XIST: variants seen among roughly 807,000 people sequenced by gnomAD.
XIST encodes X inactive specific transcript (non-protein coding).
exon 1 of XIST, chrX:73,849,233 C>T: frequency 1.8e-6 from 1 of 558,781 alleles, no homozygotes; most frequent in Non-Finnish European, 3.2e-6. Context: ...TCCAGAAGCA[C>T]AGCAAAAAGC....
At chrX:73,839,117 C>T (rs763940393) in intron 1 of XIST, among the ~76,000 whole-genome samples, 6 of 111,583 alleles carry the variant, frequency 5.4e-5, no homozygotes, top group Non-Finnish European at 1.1e-4. Context: ...AAGACATGAA[C>T]TCCCTTCAAG....
chrX:73,850,571 C>G (rs1288691531), exon 1 of XIST: 2 of 541,081 alleles, frequency 3.7e-6, no homozygotes, highest in Non-Finnish European at 3.3e-6. Flanking sequence ...CACCTGTTGG[C>G]CAACGATCAT....
chrX:73,824,756 T>C (rs371002559), exon 6 of XIST: 8 of 557,312 alleles, frequency 1.4e-5, no homozygotes, highest in Non-Finnish European at 2.3e-5. Flanking sequence ...TTACTTCATT[T>C]CCTCATACTA....
intron 4 of XIST, among the ~76,000 whole-genome samples, chrX:73,830,453 C>A (rs934413008): frequency 8.9e-6 from 1 of 112,152 alleles, no homozygotes; most frequent in Non-Finnish European, 1.9e-5. Context: ...CCTTTATCTG[C>A]CAATTCTCAC....
chrX:73,826,936 C>A, exon 6 of XIST: 2 of 558,834 alleles, frequency 3.6e-6, no homozygotes, highest in East Asian at 6.5e-5. Flanking sequence ...GACTTCCATC[C>A]AACTCAGGCC....
intron 2 of XIST, among the ~76,000 whole-genome samples, chrX:73,835,598 T>C (rs1446341720): frequency 8.9e-6 from 1 of 112,391 alleles, no homozygotes; most frequent in African/African-American, 3.2e-5. Context: ...CAGATTTCAT[T>C]CCAGGTTTGT....
intron 3 of XIST, among the ~76,000 whole-genome samples, chrX:73,832,840 A>G (rs1210314650): frequency 9.0e-6 from 1 of 111,104 alleles, no homozygotes; most frequent in Non-Finnish European, 1.9e-5. Context: ...GTGTACATGC[A>G]AAAGAAAAAG....
intron 2 of XIST, chrX:73,833,467 T>A (rs886833913): frequency 2.2e-6 from 1 of 464,358 alleles, no homozygotes; most frequent in Non-Finnish European, 3.8e-6. Flanking sequence ...ACCTAGGAAG[T>A]ATAAACTGAA....
chrX:73,844,186 G>A (rs1342627043), exon 1 of XIST: 2 of 558,752 alleles, frequency 3.6e-6, no homozygotes, highest in Middle Eastern at 3.1e-4. Context: ...GGGGACTTAG[G>A]GGGTCAGCAA....
In XIST at chrX:73,846,398, G is replaced by T. The variant is rs146057695; in HGVS notation, n.6326C>A. ...GCTGGAAGGGAAAGGTGAGACTGAG[G>T]TATGTGGAGAGGACCCTCCTTTTCT... is the stretch of plus-strand genomic sequence containing the variant. On this transcript the variant is annotated non_coding_transcript_exon_variant, in exon 1 of 6. Transcript: ENST00000429829. 1.7e-3 allele frequency: 934 copies of T among 557,125 alleles called. 1 individual carries two copies. The highest frequency in any genetic ancestry group is 2.8e-3 in the Non-Finnish European group (858 of 309,057). 45.9% of individuals were successfully genotyped at this position (557,125 alleles called of 1,213,427 possible).
intron 2 of XIST, among the ~76,000 whole-genome samples, chrX:73,836,682 C>T (rs752676988): frequency 3.6e-5 from 4 of 111,625 alleles, no homozygotes; most frequent in South Asian, 3.7e-4. Context: ...TAGTAATGAG[C>T]GCACCTAGCA....
At chrX:73,823,652 G>A (rs1922181883) in exon 6 of XIST, 1 of 558,689 alleles carries the variant, frequency 1.8e-6, no homozygotes, top group Non-Finnish European at 3.2e-6. Context: ...CTGGATGGAA[G>A]ACCACAACAC....
chrX:73,845,572 TCA>T (rs772587700), exon 1 of XIST: 2 of 552,459 alleles, frequency 3.6e-6, no homozygotes, highest in African/African-American at 4.7e-5. Flanking sequence ...ATAAATATAA[TCA>T]CACACATAAC....
In XIST at chrX:73,823,527, CTTTG is replaced by C. The variant is rs770601759; in HGVS notation, n.16370_16373del. 8 of 552,551 alleles carry C rather than the reference CTTTG, an allele frequency of 1.4e-5. No individual in the cohort carries two copies. In the South Asian group the frequency reaches 1.8e-4, roughly 12 times the overall value. The allele number at this position is 552,551 out of a possible 1,213,427, so 45.5% of individuals were successfully genotyped here. A position where few individuals can be genotyped will look rare whatever the true frequency, so the allele number is the denominator to read the frequency against. On this transcript the variant is annotated non_coding_transcript_exon_variant, in exon 6 of 6. Transcript: ENST00000429829. ...AATGGTATATTCCACATAAAAGATG[CTTTG>C]TTTATCAAATGAATCAAAAAGCACG...
chrX:73,843,672 C>T (rs1414490265), exon 1 of XIST: 1 of 556,768 alleles, frequency 1.8e-6, no homozygotes, highest in Non-Finnish European at 3.2e-6. Context: ...AAAGGTGGTA[C>T]AGGAACATGC....
At chrX:73,851,325 GCAAAGA>G (rs1163034929) in exon 1 of XIST, 1 of 557,715 alleles carries the variant, frequency 1.8e-6, no homozygotes, top group African/African-American at 2.2e-5. Context: ...AAAGCACACA[GCAAAGA>G]CAAAGAGGCC....
chrX:73,838,572 A>G (rs1215387464), intron 1 of XIST, among the ~76,000 whole-genome samples: 1 of 111,566 alleles, frequency 9.0e-6, no homozygotes, highest in Non-Finnish European at 1.9e-5. Flanking sequence ...ACTCATTTGT[A>G]TAAGATGCAG....
exon 6 of XIST, chrX:73,825,746 T>C (rs1270957908): frequency 1.9e-6 from 1 of 515,646 alleles, no homozygotes; most frequent in Non-Finnish European, 3.5e-6. Context: ...ATTTACATAA[T>C]GCTTCACAAT....
chrX:73,843,667 T>G (rs576828702), exon 1 of XIST: 2 of 558,090 alleles, frequency 3.6e-6, no homozygotes, highest in South Asian at 4.5e-5. Context: ...AAAGCAAAGG[T>G]GGTACAGGAA....
Sources: allele counts gnomAD v4.1 joint callset (sites outside exome capture counted in the v4.1 genomes callset), GRCh38; gene constraint gnomAD v4.1.1; transcripts MANE v1.5; gene names NCBI Gene and HGNC (gene_info 2026-07-23, HGNC 2026-07-21).